BICRA: variants seen among roughly 807,000 people sequenced by gnomAD.
BICRA encodes BRD4-interacting chromatin-remodeling complex-associated protein.
In BICRA, 31 loss-of-function variants were observed where a neutral mutation model predicts 96.9. The ratio of observed to expected loss-of-function variants is 0.32; its 90% confidence interval spans 0.24 to 0.43. The LOEUF (loss-of-function observed/expected upper bound fraction) is 0.43. BICRA is among the 20% of genes least tolerant of loss of function. The pLI, the probability that BICRA is intolerant of heterozygous loss-of-function variation, is 1.00. For missense variants in BICRA, 2,283 were observed against 2,190.3 expected, an observed-to-expected ratio of 1.04 and a Z score of -0.84; for synonymous variants, 1,350 against 1,071.8, an observed-to-expected ratio of 1.26 and a Z score of -5.07.
chr19:47,669,271 G>A (rs1972828025), intron 1 of BICRA, among the ~76,000 whole-genome samples: 1 of 152,060 alleles, frequency 6.6e-6, no homozygotes, highest in Non-Finnish European at 1.5e-5. Context: ...TGAGTTCAAT[G>A]TGAATGAATC....
At chr19:47,627,021 C>T (rs1972151918) in intron 1 of BICRA, among the ~76,000 whole-genome samples, 1 of 152,036 alleles carries the variant, frequency 6.6e-6, no homozygotes, top group Admixed American at 6.6e-5. Context: ...CGCGCTTGGT[C>T]CACCCTGGGT....
intron 1 of BICRA, among the ~76,000 whole-genome samples, chr19:47,644,188 TTTC>T (rs1448301192): frequency 4.0e-5 from 6 of 151,724 alleles, no homozygotes; most frequent in Admixed American, 2.0e-4. Flanking sequence ...CAGCTAATTA[TTTC>T]TTCTTCTTTT....
At position 47,680,509 on chromosome 19, in the gene BICRA, A is replaced by G. The variant is rs751294286; in HGVS notation, c.1339A>G (p.Met447Val). The G allele has an allele frequency of 4.5e-6, 7 of 1,543,710 alleles. No homozygotes were observed. Among genetic ancestry groups the G allele is most frequent in the Admixed American group, 2.0e-5 (1 of 50,290 alleles). ...GCCCCCCGGGGCCCTGAGCAAACCCATGAGCGTCCACCTCCTGAACCAAGG... is the reference window on the plus strand; with the variant it reads ...GCCCCCCGGGGCCCTGAGCAAACCCGTGAGCGTCCACCTCCTGAACCAAGG... ...PQPPGALSKP[M>V]SVHLLNQGSS... is the part of the protein sequence containing the mutation. The change falls in exon 6 of 15, where the codon ATG becomes GTG. Residue 447 changes from methionine to valine, a missense_variant. Coordinates refer to ENST00000594866, the MANE Select transcript of BICRA (RefSeq NM_001394372.1).
In BICRA at chr19:47,702,110, G is replaced by C. The variant is rs781600201; in HGVS notation, c.4378G>C (p.Gly1460Arg). 6.6e-7 allele frequency: 1 copy of C among 1,523,978 alleles called. No individual in the cohort carries two copies. Among genetic ancestry groups the C allele is most frequent in the Non-Finnish European group, 8.7e-7 (1 of 1,143,098 alleles). The allele number at this position is 1,523,978 out of a possible 1,614,324, so 94.4% of individuals were successfully genotyped here. Residue 1460 changes from glycine (G) to arginine (R), a missense_variant, in exon 15 of 15, where the codon GGG becomes CGG. By Grantham distance (125) the Gly-to-Arg change is moderately radical. Coordinates refer to ENST00000594866, the MANE Select transcript of BICRA (RefSeq NM_001394372.1). ...CGCAGCCAGCGCCGCCCAAGGCACC[G>C]GGGACCCCGACTGGGAGGCGCCCGG... ...EPAASAAQGT[G>R]DPDWEAPGLP...
At chr19:47,673,460 A>G in intron 2 of BICRA, 110 bp from the exon 3 acceptor site, 1 of 805,664 alleles carries the variant, frequency 1.2e-6, no homozygotes. Context: ...ACTCAAGGGA[A>G]CAGAAACTCT....
intron 1 of BICRA, among the ~76,000 whole-genome samples, chr19:47,667,794 A>ACCCC (rs1972804979): frequency 1.3e-5 from 2 of 151,928 alleles, no homozygotes; most frequent in Admixed American, 1.3e-4. Context: ...AGAGACGCAC[A>ACCCC]CCCCCATCAC....
chr19:47,680,144 TGGC>T lies in BICRA; in HGVS notation c.977_979del (p.Ala326del). On this transcript the variant is annotated inframe_deletion, in exon 6 of 15. Transcript: ENST00000594866. ...ACCGGGACGCCCTCGGGACAGCCGCTGGCGGTGGCCCCAGGCCTCGGCTCGTCG... is the reference window on the plus strand; with the variant it reads ...ACCGGGACGCCCTCGGGACAGCCGCTGGTGGCCCCAGGCCTCGGCTCGTCG... 1 of 1,524,738 alleles carries T rather than the reference TGGC, an allele frequency of 6.6e-7. No homozygotes were observed. The highest frequency in any genetic ancestry group is 2.5e-5 in the East Asian group (1 of 40,190). The allele number at this position is 1,524,738 out of a possible 1,614,324, so 94.5% of individuals were successfully genotyped here. A position where few individuals can be genotyped will look rare whatever the true frequency, so the allele number is the denominator to read the frequency against.
chr19:47,656,229 A>C (rs951507111), intron 1 of BICRA, among the ~76,000 whole-genome samples: 1 of 151,474 alleles, frequency 6.6e-6, no homozygotes, highest in East Asian at 2.0e-4. Flanking sequence ...ACTGCACCCC[A>C]GCCTGGGCAA....
chr19:47,694,489 T>C lies in BICRA; in HGVS notation c.2658T>C (p.Ser886=). 9.4e-7 allele frequency: 1 copy of C among 1,059,832 alleles called. No homozygotes were observed. The highest frequency in any genetic ancestry group is 1.3e-6 in the Non-Finnish European group (1 of 771,076). 65.7% of individuals were successfully genotyped at this position (1,059,832 alleles called of 1,614,324 possible). ...APHLPPSSTS[S]AVASSSETSS... is the part of the protein sequence containing the mutation. ...ACCTCCCTCCATCCTCCACCTCCTC[T>C]GCTGTGGCCTCCTCCTCTGAGACGT... Residue 886 remains serine, a synonymous_variant, in exon 8 of 15, where the codon TCT becomes TCC. Coordinates refer to ENST00000594866, the MANE Select transcript of BICRA (RefSeq NM_001394372.1).
intron 1 of BICRA, among the ~76,000 whole-genome samples, chr19:47,645,416 G>C (rs911122312): frequency 6.6e-6 from 1 of 152,154 alleles, no homozygotes; most frequent in African/African-American, 2.4e-5. Context: ...GGACATTCTG[G>C]TTCCTTTCCA....
In BICRA at chr19:47,698,344, C is replaced by T. The variant is rs940550746; in HGVS notation, c.3249-290C>T. On this transcript the variant is annotated intron_variant, in intron 11 of 14. Coordinates refer to ENST00000594866, the MANE Select transcript of BICRA (RefSeq NM_001394372.1). The surrounding 1 kb of genome is among the most constrained non-coding windows in gnomAD (Gnocchi z 4.8). ...TTCCAGGCTCTGGCCTCACTTCCCGCTCTGCTCTTCCTCCCTTACGTGCTT... is the reference window on the plus strand; with the variant it reads ...TTCCAGGCTCTGGCCTCACTTCCCGTTCTGCTCTTCCTCCCTTACGTGCTT... Among the ~76,000 whole-genome samples the T allele has an allele frequency of 6.6e-6, 1 of 152,188 alleles. No individual in the cohort carries two copies. The highest frequency in any genetic ancestry group is 2.4e-5 in the African/African-American group (1 of 41,452).
chr19:47,661,111 G>A (rs1036434909), intron 1 of BICRA, among the ~76,000 whole-genome samples: 1 of 151,358 alleles, frequency 6.6e-6, no homozygotes, highest in Non-Finnish European at 1.5e-5. Flanking sequence ...CTACTCAGGA[G>A]GCTGAGGCTG....
At position 47,652,888 on chromosome 19, in the gene BICRA, C is replaced by A. The variant is rs528665246; in HGVS notation, c.-107-17555C>A. Among the ~76,000 whole-genome samples the A allele has an allele frequency of 1.2e-4, 19 of 152,210 alleles. No homozygotes were observed. In the South Asian group the frequency reaches 3.9e-3, roughly 32 times the overall value. On this transcript the variant is annotated intron_variant, in intron 1 of 14. Transcript: ENST00000594866. Reference sequence around the variant, plus strand: ...ATTGAAAAGCATTCAGAATATGTATCATGTCTCCTTCACCCTTTTCTTAAG... The same window carrying A: ...ATTGAAAAGCATTCAGAATATGTATAATGTCTCCTTCACCCTTTTCTTAAG...
chr19:47,679,781 G>A lies in BICRA; in HGVS notation c.611G>A (p.Gly204Asp), dbSNP rs747954177. The A allele has an allele frequency of 3.3e-6, 5 of 1,502,550 alleles. No individual in the cohort carries two copies. Among genetic ancestry groups the A allele is most frequent in the Non-Finnish European group, 4.4e-6 (5 of 1,127,734 alleles). 93.1% of individuals were successfully genotyped at this position (1,502,550 alleles called of 1,614,324 possible). A position where few individuals can be genotyped will look rare whatever the true frequency, so the allele number is the denominator to read the frequency against. Residue 204 changes from glycine to aspartate, a missense_variant, in exon 6 of 15, where the codon GGC becomes GAC. Gly to Asp is a moderately conservative substitution (Grantham distance 94, BLOSUM62 -1). Transcript: ENST00000594866. ...VQPFLQPVGL[G>D]NVTLQPIPGL... ...CCCTTCCTGCAGCCTGTGGGCCTGG[G>A]CAATGTGACACTGCAGCCCATCCCG...
chr19:47,679,860 G>T lies in BICRA; in HGVS notation c.690G>T (p.Leu230=). The T allele has an allele frequency of 6.6e-7, 1 of 1,508,776 alleles. No individual in the cohort carries two copies. Among genetic ancestry groups the T allele is most frequent in the African/African-American group, 1.4e-5 (1 of 71,042 alleles). The allele number at this position is 1,508,776 out of a possible 1,614,324, so 93.5% of individuals were successfully genotyped here. A position where few individuals can be genotyped will look rare whatever the true frequency, so the allele number is the denominator to read the frequency against. ...GSPGGATAAT[L]GLAPIQVVGQ... ...CTGGGGGTGCCACGGCGGCCACACT[G>T]GGCCTGGCGCCCATCCAGGTGGTGG... is the stretch of plus-strand genomic sequence containing the variant. The change falls in exon 6 of 15, where the codon CTG becomes CTT. Residue 230 remains leucine, a synonymous_variant. Coordinates refer to ENST00000594866, the MANE Select transcript of BICRA (RefSeq NM_001394372.1).
At chr19:47,682,285 C>T (rs1283903715) in intron 7 of BICRA, 133 bp downstream of exon 7, 3 of 559,792 alleles carry the variant, frequency 5.4e-6, no homozygotes, top group Non-Finnish European at 9.5e-6. Context: ...CTCTCCTTCA[C>T]CCCCCAAGTG....
chr19:47,686,356 A>C (rs977832963), intron 7 of BICRA, among the ~76,000 whole-genome samples: 1 of 151,996 alleles, frequency 6.6e-6, no homozygotes, highest in Non-Finnish European at 1.5e-5. Flanking sequence ...ATACACATCA[A>C]TATTTTCTAT....
At chr19:47,656,091 C>CAG (rs1972613583) in intron 1 of BICRA, among the ~76,000 whole-genome samples, 1 of 129,860 alleles carries the variant, frequency 7.7e-6, no homozygotes, top group Non-Finnish European at 1.6e-5. Flanking sequence ...CACACACACA[C>CAG]ACACACACAC....
At chr19:47,631,138 G>A (rs1466010843) in intron 1 of BICRA, among the ~76,000 whole-genome samples, 2 of 152,086 alleles carry the variant, frequency 1.3e-5, no homozygotes, top group Non-Finnish European at 2.9e-5. Context: ...TTACTGTAAC[G>A]TTGAACTCCT....
Sources: gnomAD v4.1 joint callset for allele counts (sites outside exome capture counted in the v4.1 genomes callset) on GRCh38, gnomAD v4.1.1 for gene constraint, Gnocchi (gnomAD v3.1) non-coding constraint, MANE v1.5 for transcripts, NCBI Gene and HGNC (gene_info 2026-07-23, HGNC 2026-07-21) for gene names.